Variants in RTTN observed in about 807,000 individuals in gnomAD.
The protein encoded by RTTN is rotatin.
A neutral mutation model predicts 269.2 loss-of-function variants in RTTN; 182 were observed. That is an observed-to-expected ratio of 0.68 (90% confidence interval 0.60 to 0.76). The LOEUF (loss-of-function observed/expected upper bound fraction) is 0.76. Ranked by LOEUF, RTTN falls within the 30% of genes least tolerant of loss-of-function variation. The pLI, the probability that RTTN is intolerant of heterozygous loss-of-function variation, is 0.00. For synonymous variants in RTTN, 1,006 were observed against 963.5 expected (o/e 1.04, Z -0.82); for missense variants, 2,545 against 2,608.6 (o/e 0.98, Z 0.53).
chr18:70,055,165 G>A (rs912535947), intron 37 of RTTN, among the ~76,000 whole-genome samples: 2 of 152,244 alleles, frequency 1.3e-5, no homozygotes, highest in African/African-American at 4.8e-5. Flanking sequence ...GTACTTTTCA[G>A]AAAAATAATC....
chr18:70,133,745 G>A lies in RTTN; in HGVS notation c.2954+728C>T, dbSNP rs555517817. Among the ~76,000 whole-genome samples the A allele has an allele frequency of 3.1e-4, 47 of 152,160 alleles. No homozygotes were observed. The South Asian group carries it at 6.8e-3, about 22-fold the overall frequency. On this transcript the variant is annotated intron_variant, in intron 23 of 48. Transcript: ENST00000640769. ...ATGAGAAAGCACAAAAAGGGTTTCC[G>A]GTCTGTCAGTAATATTCTATGTCAA...
At position 70,003,924 on chromosome 18, in the gene RTTN, A is replaced by G. The variant is rs566725003; in HGVS notation, c.*227T>C. 5.0e-4 allele frequency: 182 copies of G among 364,598 alleles called. 5 individuals carry two copies. In the South Asian group the frequency reaches 0.022, roughly 43 times the overall value. The allele number at this position is 364,598 out of a possible 1,614,324, so 22.6% of individuals were successfully genotyped here. A position where few individuals can be genotyped will look rare whatever the true frequency, so the allele number is the denominator to read the frequency against. On this transcript the variant is annotated 3_prime_UTR_variant, in exon 49 of 49. Transcript: ENST00000640769. ...CCAGAACTTTCTATGCCTTTTCAACAGAAAGGAAAAGGCACAGAAAGTTGT... is the reference window on the plus strand; with the variant it reads ...CCAGAACTTTCTATGCCTTTTCAACGGAAAGGAAAAGGCACAGAAAGTTGT...
intron 5 of RTTN, 38 bp from the exon 6 acceptor site, chr18:70,197,776 C>A (rs753305414): frequency 1.5e-6 from 2 of 1,304,472 alleles, no homozygotes; most frequent in Admixed American, 1.7e-5. Context: ...AAGAAGAGTT[C>A]ATCTATTCCA....
chr18:70,119,147 C>T (rs2059673107), intron 26 of RTTN, among the ~76,000 whole-genome samples: 1 of 151,950 alleles, frequency 6.6e-6, no homozygotes, highest in South Asian at 2.1e-4. Flanking sequence ...TAAGCTGTCC[C>T]TCTATGCTGA....
At chr18:70,012,709 G>A (rs1304971018) in intron 46 of RTTN, among the ~76,000 whole-genome samples, 21 of 151,930 alleles carry the variant, frequency 1.4e-4, no homozygotes, top group Admixed American at 6.6e-4. Flanking sequence ...ACAGGGCAGC[G>A]TCTGCTCACT....
In RTTN at chr18:70,092,730, T is replaced by C. The variant is rs1299950700; in HGVS notation, c.3978A>G (p.Thr1326=). The change falls in exon 29 of 49, where the codon ACA becomes ACG. Residue 1326 remains threonine, a synonymous_variant. Transcript: ENST00000640769. ...SFMGKGVTKS[T]ILCLLHLSHE... The stretch of plus-strand genomic sequence containing the variant: ...GGGATAAGTGAAGCAAGCAAAGAAT[T>C]GTGCTCTTTGTAACACCTTTTCCCA... 1.2e-6 allele frequency: 2 copies of C among 1,613,826 alleles called. No individual in the cohort carries two copies.
chr18:70,011,761 A>AC (rs2056378897), intron 46 of RTTN, among the ~76,000 whole-genome samples: 1 of 39,714 alleles, frequency 2.5e-5, no homozygotes, highest in Non-Finnish European at 3.3e-4. Flanking sequence ...AGATAAATAA[A>AC]TAAGGGTACT....
chr18:70,203,199 G>C (rs1240025925), intron 3 of RTTN, among the ~76,000 whole-genome samples: 1 of 151,726 alleles, frequency 6.6e-6, no homozygotes, highest in Non-Finnish European at 1.5e-5. Flanking sequence ...CTATGAGAAA[G>C]TGTTCTTTTT....
In RTTN at chr18:70,134,530, G is replaced by A; in HGVS notation, c.2897C>T (p.Pro966Leu). ...VSRMDMWSVN[P>L]SNKPSLPSVF... ...CGATGGCAAAGAAGGTTTATTGGAA[G>A]GATTAACAGACCTATTTCATAAAAG... Residue 966 changes from proline to leucine, a missense_variant, in exon 23 of 49, where the codon CCT (proline) becomes CTT (leucine). Pro to Leu is a moderately conservative substitution (Grantham distance 98, BLOSUM62 -3). Transcript: ENST00000640769. 6.2e-7 allele frequency: 1 copy of A among 1,606,884 alleles called. No homozygotes were observed.
chr18:70,139,555 A>T, intron 21 of RTTN, 44 bp downstream of exon 21: 1 of 1,230,316 alleles, frequency 8.1e-7, no homozygotes, highest in Non-Finnish European at 1.2e-6. Flanking sequence ...AAACACTTAA[A>T]ATTTAAGAAC....
chr18:70,109,211 G>A lies in RTTN; in HGVS notation c.3903+287C>T, dbSNP rs144975193. Reference sequence around the variant, plus strand: ...GAAATACCTGTATCATATACTTACTGGTTGAGCATTCCTAATCCAAAAATC... The same window carrying A: ...GAAATACCTGTATCATATACTTACTAGTTGAGCATTCCTAATCCAAAAATC... On this transcript the variant is annotated intron_variant, in intron 28 of 48. Coordinates refer to ENST00000640769, the MANE Select transcript of RTTN (RefSeq NM_173630.4). Among the ~76,000 whole-genome samples, 419 of 152,208 alleles carry A rather than the reference G, an allele frequency of 2.8e-3. 3 individuals carry two copies. Among genetic ancestry groups the A allele is most frequent in the African/African-American group, 9.8e-3 (406 of 41,538 alleles).
At chr18:70,044,867 G>C (rs1289788391) in intron 40 of RTTN, among the ~76,000 whole-genome samples, 1 of 152,124 alleles carries the variant, frequency 6.6e-6, no homozygotes, top group Admixed American at 6.5e-5. Flanking sequence ...TGCAATTTAA[G>C]ACGTTAAGTA....
At chr18:70,154,957 T>C (rs2060635534) in intron 14 of RTTN, among the ~76,000 whole-genome samples, 4 of 152,090 alleles carry the variant, frequency 2.6e-5, no homozygotes, top group Admixed American at 2.6e-4. Flanking sequence ...ATTTCACACA[T>C]TCAACATCTC....
intron 28 of RTTN, among the ~76,000 whole-genome samples, chr18:70,096,038 C>G (rs1195631010): frequency 1.3e-5 from 2 of 148,366 alleles, no homozygotes; most frequent in African/African-American, 5.0e-5. Context: ...TGCTTTATTT[C>G]ATTAAGTTGA....
At chr18:70,151,226 A>C (rs1294630611) in intron 14 of RTTN, among the ~76,000 whole-genome samples, 1 of 148,112 alleles carries the variant, frequency 6.8e-6, no homozygotes, top group Non-Finnish European at 1.5e-5. Flanking sequence ...ATAATTTTTT[A>C]TGCTACATAT....
intron 43 of RTTN, among the ~76,000 whole-genome samples, chr18:70,025,355 A>C (rs1398852522): frequency 1.3e-5 from 2 of 152,204 alleles, no homozygotes; most frequent in Non-Finnish European, 2.9e-5. Flanking sequence ...TAAATTGAAA[A>C]ATTCTGAAGT....
At chr18:70,027,897 TG>T (rs2056898412) in intron 43 of RTTN, among the ~76,000 whole-genome samples, 1 of 152,146 alleles carries the variant, frequency 6.6e-6, no homozygotes, top group African/African-American at 2.4e-5. Flanking sequence ...TTTCCAGATG[TG>T]GTATGGTTTT....
At chr18:70,080,101 T>A (rs1017139570) in intron 32 of RTTN, among the ~76,000 whole-genome samples, 1 of 111,522 alleles carries the variant, frequency 9.0e-6, no homozygotes, top group Non-Finnish European at 1.9e-5. Flanking sequence ...GAAATACTCA[T>A]GATGCTTCAT....
chr18:70,012,293 A>G (rs1037508196), intron 46 of RTTN, among the ~76,000 whole-genome samples: 159 of 110,688 alleles, frequency 1.4e-3, no homozygotes, highest in Middle Eastern at 0.02. Context: ...CACTGGTATT[A>G]GTTACAGGGC....
Sources: gnomAD v4.1 joint callset for allele counts (sites outside exome capture counted in the v4.1 genomes callset) on GRCh38, gnomAD v4.1.1 for gene constraint, MANE v1.5 for transcripts, NCBI Gene and HGNC (gene_info 2026-07-23, HGNC 2026-07-21) for gene names.